Variants in NUP155 observed in about 807,000 individuals in gnomAD.
NUP155 encodes nucleoporin 155, also known as nuclear pore complex protein Nup155.
In NUP155, 71 loss-of-function variants were observed where a neutral mutation model predicts 180.4. The ratio of observed to expected loss-of-function variants is 0.39; its 90% confidence interval spans 0.33 to 0.48. The LOEUF is 0.48. NUP155 is among the 20% of genes least tolerant of loss of function. The probability of loss-of-function intolerance (pLI) is 0.91; values close to 1 mark genes in which losing one functional copy is unlikely to be tolerated. For synonymous variants in NUP155, 582 were observed against 559.5 expected, an observed-to-expected ratio of 1.04 and a Z score of -0.57; for missense variants, 1,553 against 1,648.9, an observed-to-expected ratio of 0.94 and a Z score of 1.01.
At position 37,370,997 on chromosome 5, in the gene NUP155, A is replaced by G. The variant is rs747618082; in HGVS notation, c.-20T>C. 1 of 1,612,568 alleles carries G rather than the reference A, an allele frequency of 6.2e-7. No homozygotes were observed. The highest frequency in any genetic ancestry group is 1.1e-5 in the South Asian group (1 of 91,068). On this transcript the variant is annotated 5_prime_UTR_variant, in exon 1 of 35. Coordinates refer to ENST00000231498, the MANE Select transcript of NUP155 (RefSeq NM_153485.3). Reference sequence around the variant, plus strand: ...CGGCATCTCGGAAATCGTAGACACCAGGGTCCAGAAAAAGTCAAAAACCAA... The same window carrying G: ...CGGCATCTCGGAAATCGTAGACACCGGGGTCCAGAAAAAGTCAAAAACCAA...
chr5:37,295,069 C>T (rs373863883), intron 32 of NUP155, among the ~76,000 whole-genome samples: 1 of 152,296 alleles, frequency 6.6e-6, no homozygotes, highest in African/African-American at 2.4e-5. Flanking sequence ...TGTCCCTCTC[C>T]CCTCTTTCCA....
chr5:37,297,535 T>C (rs1182018150), intron 32 of NUP155, among the ~76,000 whole-genome samples: 3 of 151,876 alleles, frequency 2.0e-5, no homozygotes, highest in African/African-American at 7.3e-5. Flanking sequence ...CATGCCACTA[T>C]GCCTGGATAA....
intron 1 of NUP155, among the ~76,000 whole-genome samples, chr5:37,369,797 C>A (rs1195678305): frequency 1.3e-5 from 2 of 152,206 alleles, no homozygotes; most frequent in Non-Finnish European, 2.9e-5. Context: ...TGCTCACCAA[C>A]AATCTTTTCT....
At chr5:37,344,146 C>T (rs1581189441) in intron 9 of NUP155, among the ~76,000 whole-genome samples, 1 of 151,770 alleles carries the variant, frequency 6.6e-6, no homozygotes, top group East Asian at 1.9e-4. Flanking sequence ...TCGAGACCAG[C>T]CTGCTCAACA....
chr5:37,312,983 A>C (rs1743622396), intron 22 of NUP155, among the ~76,000 whole-genome samples: 1 of 152,208 alleles, frequency 6.6e-6, no homozygotes, highest in African/African-American at 2.4e-5. Flanking sequence ...AAATGCTCAC[A>C]ATTAAATAAA....
At chr5:37,342,786 G>C (rs1745816420) in intron 9 of NUP155, 140 bp from the exon 10 acceptor site, 2 of 640,600 alleles carry the variant, frequency 3.1e-6, no homozygotes, top group South Asian at 3.3e-5. Context: ...ACCCAGGCTG[G>C]AGGAGAGTGG....
chr5:37,308,087 G>T (rs1340691605), intron 24 of NUP155, among the ~76,000 whole-genome samples: 1 of 151,814 alleles, frequency 6.6e-6, no homozygotes, highest in Admixed American at 6.6e-5. Context: ...AATAGTTATG[G>T]CCTTTACATT....
rs1438647493 is a variant in NUP155, at chr5:37,338,313, G to A, written c.1247-395C>T. On this transcript the variant is annotated intron_variant, in intron 11 of 34. Coordinates refer to ENST00000231498, the MANE Select transcript of NUP155 (RefSeq NM_153485.3). ...AGCCTGGGCGCCAGAGCAAGATTCC[G>A]TCTCAAAAAAAAAAAAAAAAAAAAT... Among the ~76,000 whole-genome samples the A allele has an allele frequency of 3.0e-4, 31 of 104,614 alleles. 1 individual carries two copies. Among genetic ancestry groups the A allele is most frequent in the Non-Finnish European group, 4.3e-4 (25 of 58,288 alleles). 68.6% of individuals were successfully genotyped at this position (104,614 alleles called of 152,430 possible). A position where few individuals can be genotyped will look rare whatever the true frequency, so the allele number is the denominator to read the frequency against.
intron 3 of NUP155, among the ~76,000 whole-genome samples, chr5:37,360,820 G>A (rs753998760): frequency 2.6e-5 from 4 of 151,738 alleles, no homozygotes; most frequent in African/African-American, 9.7e-5. Context: ...GCTTACACCT[G>A]TAATCCCAGC....
intron 9 of NUP155, among the ~76,000 whole-genome samples, chr5:37,344,597 A>G (rs919192697): frequency 4.6e-5 from 7 of 151,740 alleles, no homozygotes; most frequent in African/African-American, 1.7e-4. Flanking sequence ...ATGGAAAGAA[A>G]AACAACTATA....
At chr5:37,319,326 A>G (rs1231138367) in intron 20 of NUP155, among the ~76,000 whole-genome samples, 2 of 152,236 alleles carry the variant, frequency 1.3e-5, no homozygotes, top group East Asian at 3.8e-4. Context: ...ATTCAAAATG[A>G]GTAAATTTAG....
chr5:37,333,127 G>A (rs1314278818), intron 13 of NUP155, among the ~76,000 whole-genome samples: 2 of 152,102 alleles, frequency 1.3e-5, no homozygotes, highest in Admixed American at 1.3e-4. Flanking sequence ...GGCCGAGGCA[G>A]GCGGACCACC....
In NUP155 at chr5:37,289,554, C is replaced by T. The variant is rs1742148984; in HGVS notation, c.*2346G>A. On this transcript the variant is annotated 3_prime_UTR_variant, in exon 35 of 35. Transcript: ENST00000231498. ...TTCTTCTCTCTTAGGAATCTTACCCCCCAAAAGGTATTGCAAGCATCTGTT... is the reference window on the plus strand; with the variant it reads ...TTCTTCTCTCTTAGGAATCTTACCCTCCAAAAGGTATTGCAAGCATCTGTT... 1 of 152,110 alleles carries T rather than the reference C, an allele frequency of 6.6e-6. No individual in the cohort carries two copies. The highest frequency in any genetic ancestry group is 1.5e-5 in the Non-Finnish European group (1 of 68,020). 9.4% of individuals were successfully genotyped at this position (152,110 alleles called of 1,614,324 possible).
At position 37,328,382 on chromosome 5, in the gene NUP155, A is replaced by T; in HGVS notation, c.1852T>A (p.Ser618Thr). Residue 618 changes from serine to threonine, a missense_variant, in exon 17 of 35, where the codon TCC (serine) becomes ACC (threonine). Physicochemically the swap from Ser to Thr is moderately conservative, Grantham distance 58 (BLOSUM62 1). Coordinates refer to ENST00000231498, the MANE Select transcript of NUP155 (RefSeq NM_153485.3). Reference protein sequence around the residue: ...VPSGSPYPNPSFLGTPSHGIQ... With the variant: ...VPSGSPYPNPTFLGTPSHGIQ... ...CCATGAGACGGTGTTCCCAAAAAGG[A>T]TGGATTTGGATAGGGACTACCACTA... is the stretch of plus-strand genomic sequence containing the variant. 1 of 1,609,984 alleles carries T rather than the reference A, an allele frequency of 6.2e-7. No homozygotes were observed. The highest frequency in any genetic ancestry group is 8.5e-7 in the Non-Finnish European group (1 of 1,176,266).
intron 22 of NUP155, among the ~76,000 whole-genome samples, chr5:37,313,193 G>A (rs1370555004): frequency 1.3e-4 from 20 of 151,992 alleles, no homozygotes; most frequent in Admixed American, 1.2e-3. Flanking sequence ...CATTTTGGGT[G>A]GCTGAGGCGG....
At chr5:37,354,923 C>G (rs1008040099) in intron 4 of NUP155, among the ~76,000 whole-genome samples, 28 of 151,682 alleles carry the variant, frequency 1.8e-4, no homozygotes, top group Non-Finnish European at 2.9e-4. Flanking sequence ...GAAACCCTGT[C>G]TCTACTAAAA....
At chr5:37,346,913 GA>G (rs1746127777) in intron 9 of NUP155, among the ~76,000 whole-genome samples, 1 of 151,990 alleles carries the variant, frequency 6.6e-6, no homozygotes, top group Non-Finnish European at 1.5e-5. Flanking sequence ...AACTAAGCTT[GA>G]ACCACACATG....
chr5:37,341,308 A>C, intron 10 of NUP155, 66 bp from the exon 11 acceptor site: 3 of 1,307,780 alleles, frequency 2.3e-6, no homozygotes, highest in Non-Finnish European at 3.3e-6. Flanking sequence ...TGTGTTATTG[A>C]AGCAATTACA....
intron 20 of NUP155, among the ~76,000 whole-genome samples, chr5:37,318,546 C>T (rs1000456159): frequency 4.0e-5 from 6 of 151,798 alleles, no homozygotes; most frequent in African/African-American, 1.2e-4. Flanking sequence ...CAGCATGATG[C>T]TCAAAGGAAA....
Sources: gnomAD v4.1 joint callset for allele counts (sites outside exome capture counted in the v4.1 genomes callset) on GRCh38, gnomAD v4.1.1 for gene constraint, MANE v1.5 for transcripts, NCBI Gene and HGNC (gene_info 2026-07-23, HGNC 2026-07-21) for gene names.